Variants in MIB2 observed in about 807,000 individuals in gnomAD.
MIB2 encodes E3 ubiquitin-protein ligase MIB2.
A neutral mutation model predicts 96.6 loss-of-function variants in MIB2; 78 were observed. That is an observed-to-expected ratio of 0.81 (90% confidence interval 0.67 to 0.97). The LOEUF is 0.97. Ranked by LOEUF, MIB2 falls within the 50% of genes least tolerant of loss-of-function variation. MIB2 has a pLI of 0.00. For synonymous variants in MIB2, 820 were observed against 629.5 expected, an observed-to-expected ratio of 1.30 and a Z score of -4.53; for missense variants, 1,543 against 1,424.0, an observed-to-expected ratio of 1.08 and a Z score of -1.35.
At chr1:1,614,235 C>A (rs1643410224), upstream of MIB2, 1 of 152,178 alleles carries the variant, frequency 6.6e-6, no homozygotes. Context: ...CGGGAGGCCA[C>A]GAAGGGGGAG....
upstream of MIB2, chr1:1,614,184 C>T (rs2100251313): frequency 6.6e-6 from 1 of 152,298 alleles, no homozygotes; most frequent in Non-Finnish European, 1.5e-5. Flanking sequence ...TTGCAGGTAC[C>T]AAAATGGAAC....
At chr1:1,615,882 G>A in intron 1 of MIB2, 1 of 1,074,220 alleles carries the variant, frequency 9.3e-7, no homozygotes, top group Non-Finnish European at 1.1e-6. Context: ...GCGCGGCCCG[G>A]GGCCAGCGGC....
intron 1 of MIB2, 188 bp from the exon 2 acceptor site, chr1:1,616,320 G>T (rs1643668904): frequency 2.1e-6 from 1 of 468,468 alleles, no homozygotes; most frequent in Non-Finnish European, 3.6e-6. Flanking sequence ...CGCAATTACG[G>T]GCCCGGCGCT....
At chr1:1,627,937 CGT>C in intron 13 of MIB2, 80 bp from the exon 14 acceptor site, 1 of 1,603,616 alleles carries the variant, frequency 6.2e-7, no homozygotes, top group Non-Finnish European at 8.5e-7. Flanking sequence ...GCCCCCTGCC[CGT>C]GAGTGCTGCT....
intron 4 of MIB2, chr1:1,624,185 C>G: frequency 1.8e-6 from 1 of 565,082 alleles, no homozygotes; most frequent in South Asian, 2.4e-5. Context: ...CATGAGACCT[C>G]CAGGAGGACA....
Position 1,630,520 on chromosome 1 carries a change from T to A in MIB2, c.2858T>A (p.Ile953Asn). The A allele has an allele frequency of 6.3e-7, 1 of 1,583,904 alleles. No homozygotes were observed. Among genetic ancestry groups the A allele is most frequent in the Non-Finnish European group, 8.5e-7 (1 of 1,171,900 alleles). ...CAGCCCATCCGCGACCGCATCCAGA[T>A]CTTCGTGTGAGCCGCGCCGTCCGCC... ...CRQPIRDRIQ[I>N]FV Residue 953 changes from isoleucine to asparagine, a missense_variant, in exon 20 of 20, where the codon ATC (isoleucine) becomes AAC (asparagine). Coordinates refer to ENST00000355826, the MANE Select transcript of MIB2 (RefSeq NM_001170687.4).
chr1:1,621,685 C>T (rs775927992), intron 2 of MIB2, among the ~76,000 whole-genome samples: 1 of 152,222 alleles, frequency 6.6e-6, no homozygotes, highest in African/African-American at 2.4e-5. Flanking sequence ...TGGAAGCTCT[C>T]GCGGTCCTGG....
chr1:1,622,416 C>T (rs1168076177), intron 2 of MIB2, among the ~76,000 whole-genome samples: 1 of 152,174 alleles, frequency 6.6e-6, no homozygotes, highest in Non-Finnish European at 1.5e-5. Flanking sequence ...CACGGTGACT[C>T]ACGTCTGCAG....
At chr1:1,624,325 T>C in intron 4 of MIB2, 2 of 246,214 alleles carry the variant, frequency 8.1e-6, no homozygotes, top group Non-Finnish European at 1.4e-5. Context: ...TCCCCTGCAT[T>C]TGTCACCTTT....
intron 19 of MIB2, 75 bp downstream of exon 19, chr1:1,629,779 C>T (rs1308956164): frequency 3.6e-6 from 5 of 1,384,788 alleles, no homozygotes; most frequent in South Asian, 1.4e-5. Flanking sequence ...CCCACCCCTT[C>T]CCTCCCACAC....
intron 18 of MIB2, 24 bp downstream of exon 18, chr1:1,629,590 G>T: frequency 6.4e-7 from 1 of 1,563,468 alleles, no homozygotes. Context: ...CCCGGGGTGG[G>T]GAGGCCCGGC....
rs1557593846 is a variant in MIB2, at chr1:1,625,619, CG to C, written c.939del (p.Arg314AlafsTer30). On this transcript the variant is annotated frameshift_variant, in exon 8 of 20. Coordinates refer to ENST00000355826, the MANE Select transcript of MIB2 (RefSeq NM_001170687.4). LOFTEE classifies it high-confidence loss of function. The surrounding 1 kb of genome is among the most constrained non-coding windows in gnomAD (Gnocchi z 5.0). ...GTGCGCGTGCAGTTCAACCACGAGACGCGCTGGACCTTCCACCCCGGGGCGC... is the reference window on the plus strand; with the variant it reads ...GTGCGCGTGCAGTTCAACCACGAGACCGCTGGACCTTCCACCCCGGGGCGC... ...GDVRVQFNHE[T>X]RWTFHPGALT... is the part of the protein sequence containing the mutation. 6.4e-7 allele frequency: 1 copy of C among 1,571,856 alleles called. No individual in the cohort carries two copies. The highest frequency in any genetic ancestry group is 8.6e-7 in the Non-Finnish European group (1 of 1,159,058).
Position 1,623,625 on chromosome 1 carries a change from A to G in MIB2, c.173A>G (p.Gln58Arg). ...CGCACAGTGGTCGTGCAGTGGGACC[A>G]GGGCACGCGCACCAACTACCGCGCC... ...PDRTVVVQWD[Q>R]GTRTNYRAGY... The change falls in exon 3 of 20, where the codon CAG becomes CGG. Residue 58 changes from glutamine (Q) to arginine (R), a missense_variant. Gln to Arg is a conservative substitution (Grantham distance 43, BLOSUM62 1). Coordinates refer to ENST00000355826, the MANE Select transcript of MIB2 (RefSeq NM_001170687.4). 6.7e-7 allele frequency: 1 copy of G among 1,483,380 alleles called. No individual in the cohort carries two copies. The highest frequency in any genetic ancestry group is 9.0e-7 in the Non-Finnish European group (1 of 1,115,254). 91.9% of individuals were successfully genotyped at this position (1,483,380 alleles called of 1,614,324 possible).
In MIB2 at chr1:1,630,498, C is replaced by G. The variant is rs755772932; in HGVS notation, c.2836C>G (p.Pro946Ala). The change falls in exon 20 of 20, where the codon CCC becomes GCC. Residue 946 changes from proline (P) to alanine (A), a missense_variant. Transcript: ENST00000355826. ...ALSACPICRQ[P>A]IRDRIQIFV Reference sequence around the variant, plus strand: ...CAGCGCCTGCCCCATCTGCCGCCAGCCCATCCGCGACCGCATCCAGATCTT... The same window carrying G: ...CAGCGCCTGCCCCATCTGCCGCCAGGCCATCCGCGACCGCATCCAGATCTT... 57 of 1,592,644 alleles carry G rather than the reference C, an allele frequency of 3.6e-5. No homozygotes were observed. Among genetic ancestry groups the G allele is most frequent in the Non-Finnish European group, 4.8e-5 (56 of 1,175,150 alleles).
In MIB2 at chr1:1,628,672, G is replaced by A; in HGVS notation, c.2152G>A (p.Val718Met). The stretch of plus-strand genomic sequence containing the variant: ...GCAGCGTCATCAGCTGCTGCCCCTG[G>A]TGGCTGATGGGGCCGGGGGGGACCC... ...ALQRHQLLPL[V>M]ADGAGGDPGP... The change falls in exon 16 of 20, where the codon GTG (valine) becomes ATG (methionine). Residue 718 changes from valine (V) to methionine (M), a missense_variant. Val to Met is a conservative substitution (Grantham distance 21). Coordinates refer to ENST00000355826, the MANE Select transcript of MIB2 (RefSeq NM_001170687.4). 1 of 1,583,980 alleles carries A rather than the reference G, an allele frequency of 6.3e-7. No individual in the cohort carries two copies. Among genetic ancestry groups the A allele is most frequent in the Non-Finnish European group, 8.6e-7 (1 of 1,167,768 alleles).
chr1:1,615,737 C>A, intron 1 of MIB2, 104 bp downstream of exon 1: 1 of 1,479,296 alleles, frequency 6.8e-7, no homozygotes, highest in Non-Finnish European at 8.9e-7. Flanking sequence ...CTCCCGCTGG[C>A]CCAGCAGCCC....
At position 1,625,384 on chromosome 1, in the gene MIB2, G is replaced by A; in HGVS notation, c.820G>A (p.Glu274Lys). Residue 274 changes from glutamate to lysine, a missense_variant, in exon 7 of 20, where the codon GAG becomes AAG. Physicochemically the swap from Glu to Lys is moderately conservative, Grantham distance 56. Transcript: ENST00000355826. The surrounding 1 kb of genome is among the most constrained non-coding windows in gnomAD (Gnocchi z 5.0). The part of the protein sequence containing the change: ...KCLLDTDVLR[E>K]MQEGHGGWNP... Reference sequence around the variant, plus strand: ...TCTGCTGGACACTGATGTCCTGCGGGAGATGCAGGAAGGCCACGGCGGCTG... The same window carrying A: ...TCTGCTGGACACTGATGTCCTGCGGAAGATGCAGGAAGGCCACGGCGGCTG... 6.3e-7 allele frequency: 1 copy of A among 1,588,796 alleles called. No individual in the cohort carries two copies.
At chr1:1,621,826 C>T (rs1644285283) in intron 2 of MIB2, among the ~76,000 whole-genome samples, 1 of 152,236 alleles carries the variant, frequency 6.6e-6, no homozygotes, top group Admixed American at 6.5e-5. Context: ...GAGCCCAGCC[C>T]TGCAGGCAGA....
chr1:1,623,305 C>T (rs1308164572), intron 2 of MIB2, 126 bp from the exon 3 acceptor site: 18 of 1,430,390 alleles, frequency 1.3e-5, no homozygotes, highest in Non-Finnish European at 1.6e-5. Context: ...GCCTGCCTGC[C>T]CCGTTGGGCC....
Sources: gnomAD v4.1 joint callset for allele counts (sites outside exome capture counted in the v4.1 genomes callset) on GRCh38, gnomAD v4.1.1 for gene constraint, Gnocchi (gnomAD v3.1) non-coding constraint, MANE v1.5 for transcripts, NCBI Gene and HGNC (gene_info 2026-07-23, HGNC 2026-07-21) for gene names.